KIAA1549L: variants seen among roughly 807,000 people sequenced by gnomAD.
KIAA1549L encodes UPF0606 protein KIAA1549L.
KIAA1549L carries 88 observed loss-of-function variants against 160.7 expected under a neutral mutation model. The observed-to-expected ratio is 0.55, with a 90% CI of 0.46 to 0.65. The LOEUF is 0.65. Among genes scored for constraint, KIAA1549L ranks in the 30% least tolerant of loss-of-function variants. The probability of loss-of-function intolerance (pLI) is 0.00; values close to 1 mark genes in which losing one functional copy is unlikely to be tolerated. For synonymous variants in KIAA1549L, 950 were observed against 976.7 expected, an observed-to-expected ratio of 0.97 and a Z score of 0.51; for missense variants, 2,258 against 2,437.5, an observed-to-expected ratio of 0.93 and a Z score of 1.55.
intron 1 of KIAA1549L, among the ~76,000 whole-genome samples, chr11:33,390,700 A>G (rs1425224778): frequency 1.3e-5 from 2 of 152,192 alleles, no homozygotes; most frequent in Non-Finnish European, 2.9e-5. Flanking sequence ...AAACTTCTGA[A>G]CATTTGTCTC....
intron 17 of KIAA1549L, among the ~76,000 whole-genome samples, chr11:33,650,525 C>T (rs1851854002): frequency 6.6e-6 from 1 of 152,050 alleles, no homozygotes; most frequent in Admixed American, 6.6e-5. Flanking sequence ...GTATCTGGTC[C>T]CTGTTTGTCC....
At chr11:33,599,016 C>G (rs1196262555) in intron 13 of KIAA1549L, 69 bp downstream of exon 13, 2 of 1,548,786 alleles carry the variant, frequency 1.3e-6, no homozygotes, top group African/African-American at 1.4e-5. Flanking sequence ...CATGCGTGCA[C>G]ACGTGTGCAC....
intron 1 of KIAA1549L, among the ~76,000 whole-genome samples, chr11:33,411,172 A>G (rs780682868): frequency 5.9e-5 from 9 of 152,240 alleles, no homozygotes; most frequent in Non-Finnish European, 1.2e-4. Flanking sequence ...AACGAGGAAC[A>G]CAAAGCTAGT....
intron 1 of KIAA1549L, among the ~76,000 whole-genome samples, chr11:33,453,881 G>T (rs1212077806): frequency 2.0e-5 from 3 of 152,160 alleles, no homozygotes; most frequent in African/African-American, 7.2e-5. Flanking sequence ...TCAATATCCA[G>T]TTGCACCCTT....
chr11:33,551,404 A>G (rs529797964), intron 5 of KIAA1549L, 145 bp downstream of exon 5: 1 of 685,252 alleles, frequency 1.5e-6, no homozygotes, highest in East Asian at 2.7e-5. Context: ...CTGCTAATCA[A>G]ATGTCCCAGT....
chr11:33,411,925 TC>T (rs1850792906), intron 1 of KIAA1549L, among the ~76,000 whole-genome samples: 1 of 78,196 alleles, frequency 1.3e-5, no homozygotes, highest in Non-Finnish European at 4.0e-5. Context: ...TGTGGAGGGC[TC>T]TTCTTGTGGT....
chr11:33,469,382 G>T (rs1420765966), intron 1 of KIAA1549L, among the ~76,000 whole-genome samples: 2 of 151,906 alleles, frequency 1.3e-5, no homozygotes, highest in Non-Finnish European at 2.9e-5. Flanking sequence ...TTTTATTGCT[G>T]AATACTATGA....
intron 1 of KIAA1549L, among the ~76,000 whole-genome samples, chr11:33,470,454 CT>C (rs1259042570): frequency 6.6e-6 from 1 of 150,530 alleles, no homozygotes; most frequent in African/African-American, 2.4e-5. Context: ...TTGGTTTTGG[CT>C]TTTTTTTTCA....
chr11:33,422,179 A>G (rs1378796999), intron 1 of KIAA1549L, among the ~76,000 whole-genome samples: 1 of 151,872 alleles, frequency 6.6e-6, no homozygotes, highest in East Asian at 1.9e-4. Context: ...ATACCTGTGG[A>G]TGCCCAGGAT....
At chr11:33,567,315 G>A (rs1462967361) in intron 8 of KIAA1549L, among the ~76,000 whole-genome samples, 1 of 152,178 alleles carries the variant, frequency 6.6e-6, no homozygotes, top group African/African-American at 2.4e-5. Context: ...GCTTATGTTG[G>A]CTGTGATGTA....
intron 1 of KIAA1549L, among the ~76,000 whole-genome samples, chr11:33,466,446 A>G (rs1459649716): frequency 6.6e-6 from 1 of 152,240 alleles, no homozygotes; most frequent in South Asian, 2.1e-4. Flanking sequence ...TAGAATGGCG[A>G]TCATTAAAAA....
At position 33,606,739 on chromosome 11, in the gene KIAA1549L, A is replaced by G; in HGVS notation, c.4978A>G (p.Ile1660Val). The G allele has an allele frequency of 1.2e-6, 2 of 1,613,828 alleles. No individual in the cohort carries two copies. The highest frequency in any genetic ancestry group is 1.7e-6 in the Non-Finnish European group (2 of 1,179,806). The change falls in exon 14 of 21, where the codon ATT becomes GTT. Residue 1660 changes from isoleucine to valine, a missense_variant. Physicochemically the swap from Ile to Val is conservative, Grantham distance 29. This residue lies in a region of KIAA1549L where 1,359 missense variants were observed against 1,546.6 expected (regional missense o/e 0.88). Transcript: ENST00000658780. Reference sequence around the variant, plus strand: ...CACATCTTCTGGGTCTGTGCAGCTCATTGCCATAAAACCCACAGCCCTCCC... The same window carrying G: ...CACATCTTCTGGGTCTGTGCAGCTCGTTGCCATAAAACCCACAGCCCTCCC... ...FDTSSGSVQLIAIKPTALPMV... is the reference protein window; with the variant it reads ...FDTSSGSVQLVAIKPTALPMV...
chr11:33,658,881 C>A lies in KIAA1549L; in HGVS notation c.5990C>A (p.Ser1997Ter). 2 of 1,557,238 alleles carry A rather than the reference C, an allele frequency of 1.3e-6. No homozygotes were observed. Among genetic ancestry groups the A allele is most frequent in the South Asian group, 2.4e-5 (2 of 83,940 alleles). ...GPVSVTQLDQ[S>*]ALNYSGNTVP... Reference sequence around the variant, plus strand: ...GTGTCCGTGACGCAGTTGGATCAGTCGGCTTTAAATTACTCAGGTGGGCAA... The same window carrying A: ...GTGTCCGTGACGCAGTTGGATCAGTAGGCTTTAAATTACTCAGGTGGGCAA... Residue 1997 changes from serine (S) to a stop codon, truncating the protein, a stop_gained, in exon 19 of 21, where the codon TCG (serine) becomes TAG (stop). Transcript: ENST00000658780. LOFTEE classifies it high-confidence loss of function.
At chr11:33,448,401 TC>T (rs1405215934) in intron 1 of KIAA1549L, among the ~76,000 whole-genome samples, 29 of 152,346 alleles carry the variant, frequency 1.9e-4, no homozygotes, top group African/African-American at 6.5e-4. Context: ...AAAATACATT[TC>T]CTTGCTGCAG....
intron 1 of KIAA1549L, among the ~76,000 whole-genome samples, chr11:33,519,547 G>A (rs2133122098): frequency 1.3e-5 from 2 of 152,306 alleles, no homozygotes; most frequent in Middle Eastern, 6.8e-3. Context: ...CTTCAGGGTA[G>A]GAGATAGAAT....
intron 1 of KIAA1549L, among the ~76,000 whole-genome samples, chr11:33,534,800 A>C (rs1853856243): frequency 6.6e-6 from 1 of 152,092 alleles, no homozygotes; most frequent in South Asian, 2.1e-4. Context: ...GACTGTCTTG[A>C]TGGCAAACTC....
intron 1 of KIAA1549L, among the ~76,000 whole-genome samples, chr11:33,524,662 C>G (rs187503533): frequency 1.1e-3 from 166 of 152,246 alleles, no homozygotes; most frequent in African/African-American, 3.8e-3. Flanking sequence ...AATTCTTTGA[C>G]TTAAAAAATA....
At chr11:33,492,116 C>T (rs1299673377) in intron 1 of KIAA1549L, among the ~76,000 whole-genome samples, 1 of 152,144 alleles carries the variant, frequency 6.6e-6, no homozygotes, top group Non-Finnish European at 1.5e-5. Context: ...CCTGTAATCC[C>T]AGCACTTTGA....
At chr11:33,635,704 CTG>C (rs879604463) in intron 16 of KIAA1549L, among the ~76,000 whole-genome samples, 2 of 64,334 alleles carry the variant, frequency 3.1e-5, no homozygotes, top group Non-Finnish European at 7.1e-5. Flanking sequence ...TTAGACAAAA[CTG>C]TTTCATTCAT....
Sources: gnomAD v4.1 joint callset for allele counts (sites outside exome capture counted in the v4.1 genomes callset) on GRCh38, gnomAD v4.1.1 for gene constraint, gnomAD v4.1.1 regional missense constraint, MANE v1.5 for transcripts, NCBI Gene and HGNC (gene_info 2026-07-23, HGNC 2026-07-21) for gene names.